Variants in BANK1 observed in about 807,000 individuals in gnomAD.
BANK1 encodes B-cell scaffold protein with ankyrin repeats.
A neutral mutation model predicts 94.5 loss-of-function variants in BANK1; 95 were observed. The ratio of observed to expected loss-of-function variants is 1.00; its 90% confidence interval spans 0.85 to 1.19. The LOEUF (loss-of-function observed/expected upper bound fraction) is 1.19. Among genes scored for constraint, BANK1 ranks in the 50% most tolerant of loss-of-function variants. The pLI is 0.00. For synonymous variants in BANK1, 334 were observed against 308.4 expected (o/e 1.08, Z -0.87); for missense variants, 987 against 932.2 (o/e 1.06, Z -0.77).
intron 3 of BANK1, among the ~76,000 whole-genome samples, chr4:101,859,819 A>G (rs1486936310): frequency 6.6e-6 from 1 of 152,208 alleles, no homozygotes; most frequent in African/African-American, 2.4e-5. Context: ...AGGTGCTACG[A>G]TAATATAAGA....
At chr4:101,931,388 C>T (rs1334281179) in intron 7 of BANK1, among the ~76,000 whole-genome samples, 3 of 151,482 alleles carry the variant, frequency 2.0e-5, no homozygotes, top group Admixed American at 6.6e-5. Flanking sequence ...CTGTGTTTTC[C>T]TGCCTTTGGT....
chr4:102,053,884 T>TA (rs573644460), intron 11 of BANK1, among the ~76,000 whole-genome samples: 4 of 151,742 alleles, frequency 2.6e-5, no homozygotes, highest in Non-Finnish European at 4.4e-5. Flanking sequence ...ACTTTATTAA[T>TA]AAAAAAAGAT....
chr4:101,927,476 C>T (rs1012312086), intron 7 of BANK1, among the ~76,000 whole-genome samples: 4 of 151,500 alleles, frequency 2.6e-5, no homozygotes, highest in Non-Finnish European at 4.4e-5. Context: ...TGATCACAGA[C>T]CATACAGGGC....
At chr4:102,059,496 T>C (rs1385384880) in intron 11 of BANK1, among the ~76,000 whole-genome samples, 2 of 152,122 alleles carry the variant, frequency 1.3e-5, no homozygotes, top group Non-Finnish European at 2.9e-5. Context: ...GTACATAGCA[T>C]CCTTAAAGTC....
intron 7 of BANK1, among the ~76,000 whole-genome samples, chr4:101,931,243 T>A (rs1165996741): frequency 6.6e-6 from 1 of 151,562 alleles, no homozygotes; most frequent in Non-Finnish European, 1.5e-5. Flanking sequence ...TCTGTGGGGA[T>A]AATTTGAATG....
At chr4:101,912,573 T>A (rs920818649) in intron 6 of BANK1, among the ~76,000 whole-genome samples, 8 of 148,452 alleles carry the variant, frequency 5.4e-5, no homozygotes, top group African/African-American at 1.7e-4. Context: ...AACATATATA[T>A]AAAATATGTA....
intron 7 of BANK1, among the ~76,000 whole-genome samples, chr4:101,943,733 A>G (rs1723828579): frequency 6.6e-6 from 1 of 151,898 alleles, no homozygotes; most frequent in Non-Finnish European, 1.5e-5. Flanking sequence ...GGGAACCTTA[A>G]CAGAGCACAG....
chr4:101,942,033 C>G (rs1346281137), intron 7 of BANK1, among the ~76,000 whole-genome samples: 1 of 151,748 alleles, frequency 6.6e-6, no homozygotes, highest in African/African-American at 2.4e-5. Context: ...AGAGTAAGAA[C>G]AATAGCTATT....
At chr4:101,921,182 A>G (rs976244611) in intron 7 of BANK1, among the ~76,000 whole-genome samples, 1 of 152,012 alleles carries the variant, frequency 6.6e-6, no homozygotes, top group Non-Finnish European at 1.5e-5. Flanking sequence ...TTACTGGATA[A>G]TAATATCATA....
intron 5 of BANK1, among the ~76,000 whole-genome samples, chr4:101,887,524 A>G (rs1180698401): frequency 6.6e-6 from 1 of 152,164 alleles, no homozygotes; most frequent in Non-Finnish European, 1.5e-5. Flanking sequence ...GCATATCTAC[A>G]CTTACAAGAT....
intron 2 of BANK1, among the ~76,000 whole-genome samples, chr4:101,833,092 G>T (rs899856463): frequency 6.6e-6 from 1 of 151,888 alleles, no homozygotes; most frequent in Non-Finnish European, 1.5e-5. Flanking sequence ...CAATTCTCCT[G>T]CCTCAGCCTC....
intron 3 of BANK1, 94 bp from the exon 4 acceptor site, chr4:101,862,432 A>G (rs1727913616): frequency 5.3e-6 from 5 of 938,216 alleles, no homozygotes; most frequent in South Asian, 2.5e-5. Flanking sequence ...ATTCAATAAT[A>G]GTGTATTACC....
intron 7 of BANK1, among the ~76,000 whole-genome samples, chr4:101,945,484 C>A (rs1293960061): frequency 6.6e-6 from 1 of 151,902 alleles, no homozygotes; most frequent in Non-Finnish European, 1.5e-5. Context: ...AAGCTCACAT[C>A]TTTTCTTAAA....
intron 5 of BANK1, among the ~76,000 whole-genome samples, chr4:101,893,383 T>C (rs947481282): frequency 2.0e-5 from 3 of 151,994 alleles, no homozygotes; most frequent in African/African-American, 7.2e-5. Flanking sequence ...CATCAATCTC[T>C]ACCCACTAGA....
At chr4:102,050,595 A>G (rs1728016678) in intron 11 of BANK1, among the ~76,000 whole-genome samples, 1 of 152,214 alleles carries the variant, frequency 6.6e-6, no homozygotes, top group South Asian at 2.1e-4. Context: ...TCCACACAAT[A>G]CAATTTAAAA....
chr4:101,921,690 A>G (rs947865320), intron 7 of BANK1, among the ~76,000 whole-genome samples: 7 of 151,974 alleles, frequency 4.6e-5, no homozygotes, highest in Middle Eastern at 3.2e-3. Context: ...AATTGGAGAC[A>G]GGTGTTCACT....
At chr4:102,028,916 T>G (rs1189834826) in intron 9 of BANK1, among the ~76,000 whole-genome samples, 1 of 152,124 alleles carries the variant, frequency 6.6e-6, no homozygotes, top group Non-Finnish European at 1.5e-5. Context: ...GTTTTTTTTT[T>G]GTTTGTTTTT....
At position 101,965,012 on chromosome 4, in the gene BANK1, G is replaced by A. The variant is rs569355642; in HGVS notation, c.1206+46823G>A. Among the ~76,000 whole-genome samples, 10 of 145,852 alleles carry A rather than the reference G, an allele frequency of 6.9e-5. No homozygotes were observed. In the East Asian group the frequency reaches 1.2e-3, roughly 18 times the overall value. On this transcript the variant is annotated intron_variant, in intron 7 of 16. Coordinates refer to ENST00000322953, the MANE Select transcript of BANK1 (RefSeq NM_017935.5). ...TTCCCACCTATGAGTGAGAATATGC[G>A]GTGTTTGGTTTTTTGTTCTTGCGAT...
intron 2 of BANK1, among the ~76,000 whole-genome samples, chr4:101,841,569 A>C (rs1727045547): frequency 6.6e-6 from 1 of 152,136 alleles, no homozygotes; most frequent in Admixed American, 6.5e-5. Flanking sequence ...CCAGTTTGGA[A>C]TGAATAATTC....
Sources: gnomAD v4.1 joint callset for allele counts (sites outside exome capture counted in the v4.1 genomes callset) on GRCh38, gnomAD v4.1.1 for gene constraint, MANE v1.5 for transcripts, NCBI Gene and HGNC (gene_info 2026-07-23, HGNC 2026-07-21) for gene names.